The following PPEF2 variants were observed in gnomAD, a reference collection of about 807,000 sequenced individuals.
PPEF2 encodes the protein serine/threonine-protein phosphatase with EF-hands 2.
In PPEF2, 84 loss-of-function variants were observed where a neutral mutation model predicts 84.7. That is an observed-to-expected ratio of 0.99 (90% CI 0.83 to 1.19). The LOEUF is 1.19. PPEF2 is among the 50% of genes most tolerant of loss of function. PPEF2 has a pLI of 0.00. For missense variants in PPEF2, 924 were observed against 937.5 expected (o/e 0.99, Z 0.19); for synonymous variants, 346 against 345.2 (o/e 1.00, Z -0.03).
chr4:75,868,883 C>T (rs28513071), intron 13 of PPEF2, among the ~76,000 whole-genome samples: 3,106 of 152,194 alleles, frequency 0.02, 101 homozygotes, highest in African/African-American at 0.072. Flanking sequence ...GTGGTGCATG[C>T]CTGTAATCTC....
intron 16 of PPEF2, among the ~76,000 whole-genome samples, chr4:75,863,626 T>G (rs891215622): frequency 1.3e-5 from 2 of 152,122 alleles, no homozygotes; most frequent in Non-Finnish European, 1.5e-5. Context: ...GAATTATGCC[T>G]TAAAAGAAAC....
intron 8 of PPEF2, among the ~76,000 whole-genome samples, 170 bp downstream of exon 8, chr4:75,884,424 C>CAAA (rs34238193): frequency 9.0e-4 from 130 of 144,304 alleles, no homozygotes; most frequent in Admixed American, 1.4e-3. Context: ...AGACTCTCTC[C>CAAA]AAAAAAAAAA....
At chr4:75,893,674 A>T (rs897272528) in intron 2 of PPEF2, among the ~76,000 whole-genome samples, 1 of 152,238 alleles carries the variant, frequency 6.6e-6, no homozygotes, top group Non-Finnish European at 1.5e-5. Flanking sequence ...AACAAGCTCC[A>T]TACATAATTC....
At chr4:75,874,841 T>TCCAATCA (rs1724369109) in intron 11 of PPEF2, among the ~76,000 whole-genome samples, 1 of 151,972 alleles carries the variant, frequency 6.6e-6, no homozygotes, top group African/African-American at 2.4e-5. Context: ...CTACCCTCCA[T>TCCAATCA]CCAATCAATC....
intron 8 of PPEF2, 180 bp from the exon 9 acceptor site, chr4:75,883,382 G>T: frequency 5.0e-6 from 3 of 596,502 alleles, no homozygotes; most frequent in East Asian, 2.8e-5. Context: ...GAGAAATTAT[G>T]GGATATTTTA....
chr4:75,890,143 T>C lies in PPEF2; in HGVS notation c.242-11A>G, dbSNP rs202092842. The C allele has an allele frequency of 1.2e-5, 20 of 1,613,416 alleles. No individual in the cohort carries two copies. In the East Asian group the frequency reaches 1.3e-4, roughly 11 times the overall value. On this transcript the variant is annotated splice_polypyrimidine_tract_variant and intron_variant, in intron 4 of 16. Coordinates refer to ENST00000286719, the MANE Select transcript of PPEF2 (RefSeq NM_006239.3). ...GGGTCAGGAAGTCCCCTAGTCCAGA[T>C]AGAAAAGGTGGATCAGCTTATGATC...
At chr4:75,877,836 A>C (rs1014103587) in intron 10 of PPEF2, among the ~76,000 whole-genome samples, 8 of 152,158 alleles carry the variant, frequency 5.3e-5, no homozygotes, top group Non-Finnish European at 1.2e-4. Context: ...ACAAATTGGA[A>C]GTTTATAAAA....
chr4:75,871,984 A>G lies in PPEF2; in HGVS notation c.1649+41T>C, dbSNP rs760461880. The G allele has an allele frequency of 1.4e-5, 21 of 1,532,222 alleles. No individual in the cohort carries two copies. The East Asian group carries it at 4.6e-4, about 33-fold the overall frequency. 94.9% of individuals were successfully genotyped at this position (1,532,222 alleles called of 1,614,324 possible). ...TTCATTCAAAGATTCTATGAACACT[A>G]TAATTTTTTTTTCTGAAAATCACTC... On this transcript the variant is annotated intron_variant, in intron 13 of 16. Transcript: ENST00000286719.
At chr4:75,900,940 T>C (rs1202366836) in intron 1 of PPEF2, among the ~76,000 whole-genome samples, 1 of 152,132 alleles carries the variant, frequency 6.6e-6, no homozygotes, top group African/African-American at 2.4e-5. Flanking sequence ...TGATATCATC[T>C]GTATAAAAAA....
intron 16 of PPEF2, among the ~76,000 whole-genome samples, chr4:75,862,932 G>T (rs1391437271): frequency 1.3e-5 from 2 of 152,272 alleles, no homozygotes; most frequent in Non-Finnish European, 2.9e-5. Flanking sequence ...ATAAATAAAA[G>T]TTCTGTCCAC....
At position 75,896,373 on chromosome 4, in the gene PPEF2, T is replaced by C; in HGVS notation, c.-48A>G. ...AGGACGCAGCAGATCCAGAGGACAG[T>C]GAGCTGTTTGCTGACAAAATGAAGA... On this transcript the variant is annotated 5_prime_UTR_variant, in exon 2 of 17. Transcript: ENST00000286719. 1 of 1,592,430 alleles carries C rather than the reference T, an allele frequency of 6.3e-7. No homozygotes were observed. Among genetic ancestry groups the C allele is most frequent in the Non-Finnish European group, 8.6e-7 (1 of 1,160,276 alleles).
At chr4:75,900,668 A>T (rs1725099202) in intron 1 of PPEF2, among the ~76,000 whole-genome samples, 1 of 152,218 alleles carries the variant, frequency 6.6e-6, no homozygotes, top group Non-Finnish European at 1.5e-5. Flanking sequence ...AATGTTTGTC[A>T]TCGTCATGAA....
At chr4:75,885,833 A>C (rs1724706727) in intron 7 of PPEF2, among the ~76,000 whole-genome samples, 2 of 151,992 alleles carry the variant, frequency 1.3e-5, no homozygotes, top group African/African-American at 4.8e-5. Flanking sequence ...AGATGGTGAA[A>C]CCCTGTCTCT....
At chr4:75,894,887 A>G (rs904345738) in intron 2 of PPEF2, among the ~76,000 whole-genome samples, 5 of 152,244 alleles carry the variant, frequency 3.3e-5, no homozygotes, top group African/African-American at 4.8e-5. Flanking sequence ...CCCTGAGCTG[A>G]AGCTAATTCC....
intron 7 of PPEF2, among the ~76,000 whole-genome samples, chr4:75,885,651 C>T (rs889564059): frequency 3.3e-5 from 5 of 152,056 alleles, no homozygotes; most frequent in Admixed American, 6.6e-5. Context: ...ATCACTTGAG[C>T]TCAGGGGTTC....
intron 2 of PPEF2, among the ~76,000 whole-genome samples, chr4:75,893,415 T>G (rs1052752424): frequency 1.3e-5 from 2 of 151,994 alleles, no homozygotes; most frequent in Admixed American, 6.6e-5. Context: ...GGAGAATCAT[T>G]TGAACCTGGG....
intron 6 of PPEF2, among the ~76,000 whole-genome samples, chr4:75,887,902 C>T (rs1031385560): frequency 4.6e-5 from 7 of 152,236 alleles, no homozygotes; most frequent in South Asian, 2.1e-4. Context: ...TTAAATAAAC[C>T]ATCTTCTAAC....
intron 1 of PPEF2, among the ~76,000 whole-genome samples, chr4:75,899,150 G>A (rs754901410): frequency 1.3e-5 from 2 of 152,096 alleles, no homozygotes; most frequent in Non-Finnish European, 2.9e-5. Flanking sequence ...TTAACATAAT[G>A]TCCTCCAGGT....
In PPEF2 at chr4:75,866,282, C is replaced by T. The variant is rs780016233; in HGVS notation, c.1827G>A (p.Met609Ile). Reference sequence around the variant, plus strand: ...AGCTGTTCACCAGCTGTGGCCTCAGCATCCGCCATGGCAGTCCTAGGTGCA... The same window carrying T: ...AGCTGTTCACCAGCTGTGGCCTCAGTATCCGCCATGGCAGTCCTAGGTGCA... ...SVLHLGLPWR[M>I]LRPQLVNSSA... The change falls in exon 15 of 17, where the codon ATG becomes ATA. Residue 609 changes from methionine (M) to isoleucine (I), a missense_variant. Transcript: ENST00000286719. The T allele has an allele frequency of 9.3e-6, 15 of 1,614,184 alleles. No individual in the cohort carries two copies. The highest frequency in any genetic ancestry group is 1.3e-5 in the Non-Finnish European group (15 of 1,180,034).
Sources: gnomAD v4.1 joint callset for allele counts (sites outside exome capture counted in the v4.1 genomes callset) on GRCh38, gnomAD v4.1.1 for gene constraint, MANE v1.5 for transcripts, NCBI Gene and HGNC (gene_info 2026-07-23, HGNC 2026-07-21) for gene names.